Variants in RNF38 observed in about 807,000 individuals in gnomAD.
RNF38 encodes the protein E3 ubiquitin-protein ligase RNF38.
A neutral mutation model predicts 67.2 loss-of-function variants in RNF38; 15 were observed. That is an observed-to-expected ratio of 0.22 (90% CI 0.15 to 0.34). The LOEUF (loss-of-function observed/expected upper bound fraction) is 0.34, where lower values mean the gene tolerates loss of function less well. RNF38 is among the 10% of genes least tolerant of loss of function. RNF38 has a pLI of 1.00. For missense variants in RNF38, 524 were observed against 639.9 expected, an observed-to-expected ratio of 0.82 and a Z score of 1.95; for synonymous variants, 220 against 218.8, an observed-to-expected ratio of 1.01 and a Z score of -0.05.
chr9:36,437,593 A>C (rs972629943), intron 1 of RNF38, among the ~76,000 whole-genome samples: 9 of 152,314 alleles, frequency 5.9e-5, no homozygotes, highest in South Asian at 2.1e-4. Flanking sequence ...AGACAAATCA[A>C]TACTACTAGC....
intron 1 of RNF38, among the ~76,000 whole-genome samples, chr9:36,460,669 GCTGAGGTTCGGAGTTCA>G (rs1162821489): frequency 4.6e-5 from 7 of 151,562 alleles, no homozygotes; most frequent in Admixed American, 1.3e-4. Context: ...AGGCAGATCA[GCTGAGGTTCGGAGTTCA>G]AGACCAGCCT....
At chr9:36,379,203 A>G (rs1359991726) in intron 2 of RNF38, among the ~76,000 whole-genome samples, 1 of 152,152 alleles carries the variant, frequency 6.6e-6, no homozygotes, top group Non-Finnish European at 1.5e-5. Flanking sequence ...CTGGGCCAAT[A>G]AGTTTACTTT....
intron 9 of RNF38, among the ~76,000 whole-genome samples, chr9:36,350,109 G>T (rs1270352843): frequency 6.6e-6 from 1 of 152,154 alleles, no homozygotes; most frequent in African/African-American, 2.4e-5. Context: ...GAGCCACTGC[G>T]CTCAGCCTCC....
At chr9:36,401,157 A>T, upstream of RNF38, 10 of 982,868 alleles carry the variant, frequency 1.0e-5, no homozygotes, top group Non-Finnish European at 1.2e-5. Flanking sequence ...CAGGCTCCGC[A>T]CCGCGCGCCG....
At chr9:36,439,253 A>G (rs1214001779) in intron 1 of RNF38, among the ~76,000 whole-genome samples, 1 of 152,258 alleles carries the variant, frequency 6.6e-6, no homozygotes, top group African/African-American at 2.4e-5. Flanking sequence ...TTTACTTGCT[A>G]ATAGTATATG....
At chr9:36,342,808 A>G (rs1832950265) in intron 10 of RNF38, among the ~76,000 whole-genome samples, 3 of 152,340 alleles carry the variant, frequency 2.0e-5, no homozygotes, top group African/African-American at 7.2e-5. Context: ...AACCTCTTAG[A>G]AGAAAACACA....
rs1834981001 is a variant in RNF38, at chr9:36,366,560, G to A, written c.570+3159C>T. 2.0e-5 allele frequency among the ~76,000 whole-genome samples: 3 copies of A among 152,038 alleles called. 1 individual carries two copies. The highest frequency in any genetic ancestry group is 3.8e-4 in the East Asian group (2 of 5,198). The stretch of plus-strand genomic sequence containing the variant: ...TTCTAACAATTACCTAAGATGCTTC[G>A]GGATTTTCTATCAGTATAATCAGTT... On this transcript the variant is annotated intron_variant, in intron 4 of 11. Coordinates refer to ENST00000259605, the MANE Select transcript of RNF38 (RefSeq NM_022781.5).
At chr9:36,346,253 T>C (rs1833231449) in intron 9 of RNF38, among the ~76,000 whole-genome samples, 2 of 152,202 alleles carry the variant, frequency 1.3e-5, no homozygotes, top group South Asian at 4.1e-4. Flanking sequence ...TCCTCCAGGC[T>C]GAAGTGCAAT....
chr9:36,418,900 T>C (rs564647933), intron 2 of RNF38, among the ~76,000 whole-genome samples: 1 of 151,458 alleles, frequency 6.6e-6, no homozygotes, highest in Non-Finnish European at 1.5e-5. Flanking sequence ...GCAGTGGAGG[T>C]TGCAGTGAGC....
intron 1 of RNF38, among the ~76,000 whole-genome samples, chr9:36,393,464 T>TCA (rs1345955223): frequency 1.1e-3 from 117 of 110,434 alleles, no homozygotes; most frequent in African/African-American, 3.3e-3. Flanking sequence ...TAAAATAAAA[T>TCA]CACACACACA....
At chr9:36,486,951 C>G (rs1187687185) in intron 1 of RNF38, among the ~76,000 whole-genome samples, 5 of 152,124 alleles carry the variant, frequency 3.3e-5, no homozygotes, top group African/African-American at 1.2e-4. Flanking sequence ...GGGGCCCGCG[C>G]CGGCCCAGGG....
chr9:36,350,575 C>T (rs1833621939), intron 9 of RNF38, among the ~76,000 whole-genome samples: 2 of 152,324 alleles, frequency 1.3e-5, no homozygotes, highest in South Asian at 4.1e-4. Flanking sequence ...AAAGCTTATA[C>T]ATTATTTAAG....
At chr9:36,382,157 A>G (rs1306715647) in intron 2 of RNF38, among the ~76,000 whole-genome samples, 1 of 152,228 alleles carries the variant, frequency 6.6e-6, no homozygotes, top group African/African-American at 2.4e-5. Context: ...CCAACTTTTC[A>G]AAGTACCAAG....
At chr9:36,422,285 G>A (rs922616984) in intron 2 of RNF38, among the ~76,000 whole-genome samples, 9 of 151,806 alleles carry the variant, frequency 5.9e-5, no homozygotes, top group Non-Finnish European at 1.2e-4. Flanking sequence ...TTAGCTGGCC[G>A]TGGTGGCACA....
rs554552898 is a variant in RNF38 at position 36,344,816 on chromosome 9, A to T, written c.1385+16T>A. 6.2e-7 allele frequency: 1 copy of T among 1,609,388 alleles called. No homozygotes were observed. The highest frequency in any genetic ancestry group is 1.3e-5 in the African/African-American group (1 of 74,970). On this transcript the variant is annotated intron_variant, in intron 10 of 11. Coordinates refer to ENST00000259605, the MANE Select transcript of RNF38 (RefSeq NM_022781.5). ...GAAAAGGAAATTTAGCAGTGATGTC[A>T]GAAAAATTTACTTACAAAGTCTGTT...
At chr9:36,345,732 AGTTT>A (rs1282639603) in intron 9 of RNF38, among the ~76,000 whole-genome samples, 25 of 152,370 alleles carry the variant, frequency 1.6e-4, no homozygotes, top group African/African-American at 6.0e-4. Flanking sequence ...TTTAAAAAGT[AGTTT>A]GTTCAAATAA....
At chr9:36,350,122 A>G (rs986432599) in intron 9 of RNF38, among the ~76,000 whole-genome samples, 1 of 152,154 alleles carries the variant, frequency 6.6e-6, no homozygotes, top group Non-Finnish European at 1.5e-5. Flanking sequence ...CAGCCTCCCA[A>G]CACCATTTCT....
chr9:36,463,347 T>G (rs1333449709), intron 1 of RNF38, among the ~76,000 whole-genome samples: 3 of 152,182 alleles, frequency 2.0e-5, no homozygotes, highest in African/African-American at 7.2e-5. Context: ...CACTTTCAGT[T>G]TGATACAAGC....
At chr9:36,365,870 T>C (rs1283021105) in intron 4 of RNF38, among the ~76,000 whole-genome samples, 1 of 151,944 alleles carries the variant, frequency 6.6e-6, no homozygotes, top group African/African-American at 2.4e-5. Context: ...TTCACCATAT[T>C]GGCCAGGCTG....
Sources: gnomAD v4.1 joint callset for allele counts (sites outside exome capture counted in the v4.1 genomes callset) on GRCh38, gnomAD v4.1.1 for gene constraint, MANE v1.5 for transcripts, NCBI Gene and HGNC (gene_info 2026-07-23, HGNC 2026-07-21) for gene names.